The following LRP1B variants were observed in gnomAD, a reference collection of about 807,000 sequenced individuals.
The protein encoded by LRP1B is LDL receptor related protein 1B.
Under a neutral mutation model 556.6 loss-of-function variants are expected in LRP1B, and 217 were observed. The observed-to-expected ratio is 0.39, with a 90% CI of 0.35 to 0.44. The LOEUF (loss-of-function observed/expected upper bound fraction) is 0.44. Among genes scored for constraint, LRP1B ranks in the 20% least tolerant of loss-of-function variants. The pLI is 1.00. For missense variants in LRP1B, 5,053 were observed against 5,620.8 expected, an observed-to-expected ratio of 0.90 and a Z score of 3.23; for synonymous variants, 2,047 against 1,865.8, an observed-to-expected ratio of 1.10 and a Z score of -2.50.
rs374364925 is a variant in LRP1B, at chr2:141,248,039, C to A, written c.464-685G>T. ...CCTGGCCAACATGGTGAGACCCTGT[C>A]TCTACTAAAAATGCAAAAATTAGCC... On this transcript the variant is annotated intron_variant, in intron 4 of 90. Transcript: ENST00000389484. Among the ~76,000 whole-genome samples, 75 of 152,238 alleles carry A rather than the reference C, an allele frequency of 4.9e-4. No individual in the cohort carries two copies. In the South Asian group the frequency reaches 6.0e-3, roughly 12 times the overall value.
chr2:141,767,860 T>C, intron 2 of LRP1B, among the ~76,000 whole-genome samples: 1 of 152,136 alleles, frequency 6.6e-6, no homozygotes, highest in East Asian at 1.9e-4. Context: ...TTGCATTGAA[T>C]CAAAAGAAGC....
chr2:141,280,862 AG>A (rs1685484328), intron 3 of LRP1B, among the ~76,000 whole-genome samples: 1 of 152,004 alleles, frequency 6.6e-6, no homozygotes, highest in African/African-American at 2.4e-5. Flanking sequence ...AGCTGATTAG[AG>A]AGTTTGCCAA....
chr2:140,457,683 G>T (rs139481433), intron 60 of LRP1B, 32 bp from the exon 61 acceptor site: 1 of 1,551,848 alleles, frequency 6.4e-7, no homozygotes, highest in South Asian at 1.1e-5. Flanking sequence ...TTAATGTTCA[G>T]TCTTGGAAGA....
chr2:141,126,497 TC>T (rs1256969137), intron 7 of LRP1B, among the ~76,000 whole-genome samples: 2 of 152,200 alleles, frequency 1.3e-5, no homozygotes, highest in Non-Finnish European at 2.9e-5. Context: ...ACATCTATTA[TC>T]CCTCCTTGTT....
chr2:140,411,031 C>G lies in LRP1B; in HGVS notation c.10415-25022G>C, dbSNP rs951173909. On this transcript the variant is annotated intron_variant, in intron 66 of 90. Transcript: ENST00000389484. Reference sequence around the variant, plus strand: ...ACCACCTTCAGAAATTTGCTATTTTCCAGTGCCACCTGTATGGGTATTTAT... The same window carrying G: ...ACCACCTTCAGAAATTTGCTATTTTGCAGTGCCACCTGTATGGGTATTTAT... 8.5e-5 allele frequency among the ~76,000 whole-genome samples: 13 copies of G among 152,228 alleles called. No individual in the cohort carries two copies. The East Asian group carries it at 2.1e-3, about 25-fold the overall frequency.
At chr2:141,346,165 T>C (rs1200171664) in intron 3 of LRP1B, among the ~76,000 whole-genome samples, 2 of 152,106 alleles carry the variant, frequency 1.3e-5, no homozygotes, top group African/African-American at 4.8e-5. Context: ...TCTGTTTTGT[T>C]TGGGCCTTAA....
intron 87 of LRP1B, among the ~76,000 whole-genome samples, chr2:140,246,375 T>C (rs774725930): frequency 2.6e-5 from 4 of 151,566 alleles, no homozygotes; most frequent in Non-Finnish European, 4.4e-5. Context: ...AATGACAACA[T>C]GTGTGAACTG....
intron 27 of LRP1B, among the ~76,000 whole-genome samples, chr2:140,854,139 A>G (rs758605754): frequency 6.6e-6 from 1 of 151,994 alleles, no homozygotes; most frequent in Non-Finnish European, 1.5e-5. Flanking sequence ...AGGAAAAAAA[A>G]GTTTGTTCAA....
chr2:140,584,228 A>C (rs558250345), intron 43 of LRP1B, among the ~76,000 whole-genome samples: 1 of 152,194 alleles, frequency 6.6e-6, no homozygotes, highest in East Asian at 1.9e-4. Context: ...AATTAATATA[A>C]GTTATTTGAG....
At chr2:141,121,815 C>A (rs954015048) in intron 7 of LRP1B, among the ~76,000 whole-genome samples, 1 of 152,112 alleles carries the variant, frequency 6.6e-6, no homozygotes, top group African/African-American at 2.4e-5. Context: ...AGCAAAAGAA[C>A]AAAGCTGGAG....
intron 3 of LRP1B, among the ~76,000 whole-genome samples, chr2:141,379,222 G>A (rs1689547931): frequency 6.6e-6 from 1 of 152,144 alleles, no homozygotes; most frequent in Non-Finnish European, 1.5e-5. Context: ...ATTTTAAAGT[G>A]CTAAAATTTA....
chr2:141,914,128 G>C (rs938901348), intron 1 of LRP1B, among the ~76,000 whole-genome samples: 3 of 152,102 alleles, frequency 2.0e-5, no homozygotes, highest in Non-Finnish European at 4.4e-5. Context: ...AAATTCCTAG[G>C]AATATGAGGT....
At chr2:140,976,543 T>C (rs531536645) in intron 18 of LRP1B, among the ~76,000 whole-genome samples, 119 of 147,170 alleles carry the variant, frequency 8.1e-4, no homozygotes, top group African/African-American at 1.7e-3. Context: ...GTCTCACTCT[T>C]GTTGCCCAGG....
chr2:140,988,814 G>T (rs879398904), intron 17 of LRP1B, among the ~76,000 whole-genome samples: 5 of 151,984 alleles, frequency 3.3e-5, no homozygotes, highest in Admixed American at 6.6e-5. Context: ...CAGTTTTTAT[G>T]AATCATATCA....
intron 2 of LRP1B, among the ~76,000 whole-genome samples, chr2:141,668,507 A>G (rs1423726855): frequency 1.3e-5 from 2 of 152,174 alleles, no homozygotes; most frequent in Non-Finnish European, 2.9e-5. Flanking sequence ...GAGAGGAGTG[A>G]AGAGAAGGAA....
intron 48 of LRP1B, 97 bp downstream of exon 48, chr2:140,526,140 C>T (rs1279732933): frequency 7.3e-7 from 1 of 1,377,866 alleles, no homozygotes; most frequent in Non-Finnish European, 1.0e-6. Flanking sequence ...AATTACATAC[C>T]AATTTTGGAC....
intron 6 of LRP1B, among the ~76,000 whole-genome samples, chr2:141,215,704 C>T (rs1174356871): frequency 1.3e-5 from 2 of 152,126 alleles, no homozygotes; most frequent in Non-Finnish European, 2.9e-5. Flanking sequence ...CTCTATGGAT[C>T]TATGGAAGTT....
chr2:140,753,886 C>A (rs942067410), intron 35 of LRP1B, among the ~76,000 whole-genome samples: 3 of 152,152 alleles, frequency 2.0e-5, no homozygotes, highest in African/African-American at 7.2e-5. Context: ...AGTTCAAGAG[C>A]TCCCTTCCTC....
At chr2:141,359,288 A>G (rs1688735163) in intron 3 of LRP1B, among the ~76,000 whole-genome samples, 1 of 151,392 alleles carries the variant, frequency 6.6e-6, no homozygotes, top group African/African-American at 2.4e-5. Context: ...AAACCACAGA[A>G]TTGCTAAATA....
Sources: gnomAD v4.1 joint callset for allele counts (sites outside exome capture counted in the v4.1 genomes callset) on GRCh38, gnomAD v4.1.1 for gene constraint, MANE v1.5 for transcripts, NCBI Gene and HGNC (gene_info 2026-07-23, HGNC 2026-07-21) for gene names.